Variants in ANKRD27 observed in about 807,000 individuals in gnomAD.
ANKRD27 encodes ankyrin repeat domain-containing protein 27.
ANKRD27 carries 112 observed loss-of-function variants against 129.7 expected under a neutral mutation model. That is an observed-to-expected ratio of 0.86 (90% CI 0.74 to 1.01). ANKRD27 has a LOEUF of 1.01. Among genes scored for constraint, ANKRD27 ranks in the 50% least tolerant of loss-of-function variants. The pLI is 0.00. For synonymous variants in ANKRD27, 516 were observed against 511.2 expected, an observed-to-expected ratio of 1.01 and a Z score of -0.13; for missense variants, 1,258 against 1,300.5, an observed-to-expected ratio of 0.97 and a Z score of 0.50.
Position 32,597,901 on chromosome 19 carries a change from G to C in ANKRD27, c.*244C>G. ...CATGCACCTCTGGCTTAAGGATCTG[G>C]ATGCTACTGGAATTTTTGTCTGTTT... On this transcript the variant is annotated 3_prime_UTR_variant, in exon 29 of 29. Coordinates refer to ENST00000306065, the MANE Select transcript of ANKRD27 (RefSeq NM_032139.3). 3.6e-6 allele frequency: 2 copies of C among 554,654 alleles called. No homozygotes were observed. Among genetic ancestry groups the C allele is most frequent in the Non-Finnish European group, 6.5e-6 (2 of 308,592 alleles). The allele number at this position is 554,654 out of a possible 1,614,324, so 34.4% of individuals were successfully genotyped here.
At chr19:32,660,799 A>C (rs538268319) in intron 1 of ANKRD27, among the ~76,000 whole-genome samples, 1 of 152,076 alleles carries the variant, frequency 6.6e-6, no homozygotes, top group African/African-American at 2.4e-5. Flanking sequence ...AATGAACTAA[A>C]TTTCTTTCGG....
intron 18 of ANKRD27, among the ~76,000 whole-genome samples, chr19:32,622,087 G>A (rs1036194148): frequency 6.6e-6 from 1 of 152,146 alleles, no homozygotes; most frequent in African/African-American, 2.4e-5. Flanking sequence ...GGAAAAAAGA[G>A]TTCCAACACA....
intron 24 of ANKRD27, 84 bp from the exon 25 acceptor site, chr19:32,604,508 T>A: frequency 1.5e-6 from 2 of 1,305,394 alleles, no homozygotes; most frequent in Non-Finnish European, 2.0e-6. Context: ...GTATTCGCTA[T>A]AAAACACATT....
chr19:32,658,802 G>T, intron 2 of ANKRD27, 112 bp downstream of exon 2: 1 of 930,212 alleles, frequency 1.1e-6, no homozygotes, highest in South Asian at 1.4e-5. Flanking sequence ...GCACACTGCT[G>T]GGAGCTTGTT....
chr19:32,649,627 T>A, intron 3 of ANKRD27, 55 bp downstream of exon 3: 2 of 1,222,308 alleles, frequency 1.6e-6, no homozygotes, highest in African/African-American at 3.0e-5. Flanking sequence ...CTTCCTCCCC[T>A]CTGGCCCCAA....
chr19:32,668,605 T>G, intron 1 of ANKRD27, among the ~76,000 whole-genome samples: 1 of 151,598 alleles, frequency 6.6e-6, no homozygotes. Flanking sequence ...CCCAAGTAGT[T>G]GGGACTACAG....
intron 24 of ANKRD27, 87 bp from the exon 25 acceptor site, chr19:32,604,511 A>C: frequency 7.7e-7 from 1 of 1,298,994 alleles, no homozygotes; most frequent in South Asian, 2.0e-5. Flanking sequence ...TTCGCTATAA[A>C]ACACATTGTT....
At chr19:32,644,619 C>T (rs1967267482) in intron 4 of ANKRD27, 140 bp from the exon 5 acceptor site, 1 of 995,444 alleles carries the variant, frequency 1.0e-6, no homozygotes, top group Non-Finnish European at 1.5e-6. Flanking sequence ...AGCCCAGTTA[C>T]AGGACACCCT....
At chr19:32,641,275 GA>G (rs1967196068) in intron 10 of ANKRD27, among the ~76,000 whole-genome samples, 1 of 151,630 alleles carries the variant, frequency 6.6e-6, no homozygotes, top group Non-Finnish European at 1.5e-5. Flanking sequence ...CTTGGACGCT[GA>G]AAGAGCCCAG....
chr19:32,607,046 G>A lies in ANKRD27; in HGVS notation c.2373+589C>T, dbSNP rs144838803. Among the ~76,000 whole-genome samples, 565 of 147,848 alleles carry A rather than the reference G, an allele frequency of 3.8e-3. 3 individuals are homozygous for A. The highest frequency in any genetic ancestry group is 0.01 in the African/African-American group (409 of 40,432). ...CTAGGGAGGGAGGCTGAGATGGGAGGATTGTTTGAGCCCAGGAGATTGAGG... is the reference window on the plus strand; with the variant it reads ...CTAGGGAGGGAGGCTGAGATGGGAGAATTGTTTGAGCCCAGGAGATTGAGG... On this transcript the variant is annotated intron_variant, in intron 23 of 28. Coordinates refer to ENST00000306065, the MANE Select transcript of ANKRD27 (RefSeq NM_032139.3).
intron 22 of ANKRD27, 77 bp from the exon 23 acceptor site, chr19:32,607,909 C>T (rs1977288607): frequency 2.1e-6 from 3 of 1,396,050 alleles, no homozygotes; most frequent in Admixed American, 4.3e-5. Flanking sequence ...GCACCATGTG[C>T]CCCCCACAGC....
chr19:32,630,921 C>T (rs2085704477), intron 13 of ANKRD27, among the ~76,000 whole-genome samples: 1 of 152,064 alleles, frequency 6.6e-6, no homozygotes, highest in Admixed American at 6.6e-5. Context: ...AGTAAGCCAC[C>T]CCACCTGGCC....
At chr19:32,635,748 A>T (rs1271895098) in intron 12 of ANKRD27, among the ~76,000 whole-genome samples, 1 of 152,110 alleles carries the variant, frequency 6.6e-6, no homozygotes, top group Non-Finnish European at 1.5e-5. Flanking sequence ...GAGTGGGGTG[A>T]TTAAATCAGA....
In ANKRD27 at chr19:32,664,055, C is replaced by CAAAAA. The variant is rs869264224; in HGVS notation, c.-30-5015_-30-5011dup. Among the ~76,000 whole-genome samples the CAAAAA allele has an allele frequency of 9.2e-4, 29 of 31,388 alleles. 1 individual carries two copies. The highest frequency in any genetic ancestry group is 2.8e-3 in the African/African-American group (28 of 9,844). 20.6% of individuals were successfully genotyped at this position (31,388 alleles called of 152,430 possible). On this transcript the variant is annotated intron_variant, in intron 1 of 28. Coordinates refer to ENST00000306065, the MANE Select transcript of ANKRD27 (RefSeq NM_032139.3). Reference sequence around the variant, plus strand: ...TGGGCGACAGAGCGAGACTCTGTCTCAAAAAAAAAAAAAAAAAAAGAAAGA... The same window carrying CAAAAA: ...TGGGCGACAGAGCGAGACTCTGTCTCAAAAAAAAAAAAAAAAAAAAAAAAGAAAGA...
At chr19:32,644,181 C>T in intron 5 of ANKRD27, 144 bp downstream of exon 5, 2 of 1,030,744 alleles carry the variant, frequency 1.9e-6, no homozygotes. Context: ...GGTTAAACTA[C>T]TTTTATAGTT....
chr19:32,623,551 G>GTT (rs575591637), intron 17 of ANKRD27, among the ~76,000 whole-genome samples: 27 of 135,684 alleles, frequency 2.0e-4, no homozygotes, highest in Admixed American at 4.5e-4. Context: ...GAGACCTGTT[G>GTT]TTTTTTTTTT....
At position 32,640,313 on chromosome 19, in the gene ANKRD27, G is replaced by T; in HGVS notation, c.977C>A (p.Pro326His). 6.2e-7 allele frequency: 1 copy of T among 1,613,164 alleles called. No homozygotes were observed. The highest frequency in any genetic ancestry group is 1.1e-5 in the South Asian group (1 of 91,048). Residue 326 changes from proline (P) to histidine (H), a missense_variant, in exon 11 of 29, where the codon CCT becomes CAT. By Grantham distance (77) the Pro-to-His change is moderately conservative. Coordinates refer to ENST00000306065, the MANE Select transcript of ANKRD27 (RefSeq NM_032139.3). ...TCTTAAAAGAAAATGTTACCAATTA[G>T]GGATCTCCGTTTTCACAAGCAAGTA... is the stretch of plus-strand genomic sequence containing the variant. ...LLYLLVKTEIPNWMANLSYIK... is the reference protein window; with the variant it reads ...LLYLLVKTEIHNWMANLSYIK...
At position 32,644,397 on chromosome 19, in the gene ANKRD27, T is replaced by C; in HGVS notation, c.453A>G (p.Arg151=). ...VREFLGRHSE[R]FDRNIASFHR... ...GGAAAGAGGCGATGTTCCTGTCAAATCGCTCGGAGTGTCTTCCCAAGAACT... is the reference window on the plus strand; with the variant it reads ...GGAAAGAGGCGATGTTCCTGTCAAACCGCTCGGAGTGTCTTCCCAAGAACT... The change falls in exon 5 of 29, where the codon CGA becomes CGG. Residue 151 remains arginine (R), a synonymous_variant. Coordinates refer to ENST00000306065, the MANE Select transcript of ANKRD27 (RefSeq NM_032139.3). 6.2e-7 allele frequency: 1 copy of C among 1,614,100 alleles called. No individual in the cohort carries two copies.
chr19:32,604,534 G>A (rs1971702244), intron 24 of ANKRD27, 110 bp from the exon 25 acceptor site: 1 of 1,155,558 alleles, frequency 8.7e-7, no homozygotes, highest in South Asian at 2.3e-5. Context: ...TTTTATGTCT[G>A]AAAGTTTCCT....
Sources: gnomAD v4.1 joint callset for allele counts (sites outside exome capture counted in the v4.1 genomes callset) on GRCh38, gnomAD v4.1.1 for gene constraint, MANE v1.5 for transcripts, NCBI Gene and HGNC (gene_info 2026-07-23, HGNC 2026-07-21) for gene names.